Variants in MORC2 observed in about 807,000 individuals in gnomAD.
MORC2 encodes MORC family CW-type zinc finger 2.
MORC2 carries 30 observed loss-of-function variants against 136.0 expected under a neutral mutation model. The observed-to-expected ratio is 0.22, with a 90% CI of 0.17 to 0.30. The LOEUF is 0.30. Ranked by LOEUF, MORC2 falls within the 10% of genes least tolerant of loss-of-function variation. The pLI, the probability that MORC2 is intolerant of heterozygous loss-of-function variation, is 1.00. For missense variants in MORC2, 922 were observed against 1,333.1 expected, an observed-to-expected ratio of 0.69 and a Z score of 4.80; for synonymous variants, 439 against 487.0, an observed-to-expected ratio of 0.90 and a Z score of 1.30.
chr22:30,949,844 TGAA>T lies in MORC2; in HGVS notation c.227-5_227-3del. ...ACTGGATCACACTGGCAGCATCACCTGAAAGGGCAGACACAAGAGAAAGTGAAA... is the reference window on the plus strand; with the variant it reads ...ACTGGATCACACTGGCAGCATCACCTAGGGCAGACACAAGAGAAAGTGAAA... On this transcript the variant is annotated splice_polypyrimidine_tract_variant and splice_region_variant and intron_variant, in intron 4 of 25. Coordinates refer to ENST00000397641, the MANE Select transcript of MORC2 (RefSeq NM_001303256.3). The T allele has an allele frequency of 6.2e-7, 1 of 1,613,956 alleles. No individual in the cohort carries two copies. The highest frequency in any genetic ancestry group is 8.5e-7 in the Non-Finnish European group (1 of 1,179,846).
chr22:30,945,686 A>G (rs752910485), intron 6 of MORC2, among the ~76,000 whole-genome samples: 4 of 152,216 alleles, frequency 2.6e-5, no homozygotes, highest in Non-Finnish European at 4.4e-5. Context: ...TAGCTTACAT[A>G]GTCAATTACT....
At position 30,933,931 on chromosome 22, in the gene MORC2, G is replaced by C. The variant is rs1478651453; in HGVS notation, c.2325+129C>G. ...GTTGGTGCAGACTGCTGGTGGGGGG[G>C]GTAGACTGCTGGTGGGTTGTGTAGA... On this transcript the variant is annotated intron_variant, in intron 20 of 25. Transcript: ENST00000397641. 12 of 1,084,436 alleles carry C rather than the reference G, an allele frequency of 1.1e-5. No individual in the cohort carries two copies. The South Asian group carries it at 1.4e-4, about 12-fold the overall frequency. The allele number at this position is 1,084,436 out of a possible 1,614,324, so 67.2% of individuals were successfully genotyped here.
chr22:30,938,211 A>ATACGG lies in MORC2; in HGVS notation c.1074-7_1074-6insCCGTA. The ATACGG allele has an allele frequency of 6.2e-7, 1 of 1,609,404 alleles. No individual in the cohort carries two copies. The highest frequency in any genetic ancestry group is 8.5e-7 in the Non-Finnish European group (1 of 1,177,620). On this transcript the variant is annotated splice_polypyrimidine_tract_variant and splice_region_variant and intron_variant, in intron 12 of 25. Coordinates refer to ENST00000397641, the MANE Select transcript of MORC2 (RefSeq NM_001303256.3). ...CCTTAGGTTCTTTAAGTGCTCTAAG[A>ATACGG]AGACAAAAAAACTCAAGCAGATCTA...
At chr22:30,950,339 A>AAAGGCC in intron 4 of MORC2, 38 bp downstream of exon 4, 1 of 539,986 alleles carries the variant, frequency 1.9e-6, no homozygotes, top group South Asian at 1.7e-5. Flanking sequence ...GTTACATCGC[A>AAAGGCC]CCCCCCCACC....
At chr22:30,927,977 G>T (rs1448449856) in intron 25 of MORC2, 42 bp downstream of exon 25, 57 of 1,608,144 alleles carry the variant, frequency 3.5e-5, no homozygotes, top group Non-Finnish European at 4.7e-5. Context: ...CTCCCTGAGA[G>T]ACCAGGTGGT....
At chr22:30,929,658 G>C (rs540041526) in intron 24 of MORC2, among the ~76,000 whole-genome samples, 1 of 152,250 alleles carries the variant, frequency 6.6e-6, no homozygotes, top group Admixed American at 6.5e-5. Flanking sequence ...TGAGGCAGGA[G>C]GCTGAGGCAG....
At chr22:30,947,710 C>G (rs1487055055) in intron 5 of MORC2, among the ~76,000 whole-genome samples, 1 of 152,304 alleles carries the variant, frequency 6.6e-6, no homozygotes, top group South Asian at 2.1e-4. Context: ...ACCTCCTCCT[C>G]CTTCCCTAAA....
chr22:30,927,917 C>G (rs551093971), intron 25 of MORC2, 102 bp downstream of exon 25: 3 of 1,415,418 alleles, frequency 2.1e-6, no homozygotes, highest in South Asian at 2.6e-5. Context: ...ACCATAGATT[C>G]CTGTGAGTGG....
In MORC2 at chr22:30,934,905, G is replaced by A. The variant is rs752208368; in HGVS notation, c.2069C>T (p.Pro690Leu). 6 of 1,614,208 alleles carry A rather than the reference G, an allele frequency of 3.7e-6. No individual in the cohort carries two copies. Among genetic ancestry groups the A allele is most frequent in the Non-Finnish European group, 5.1e-6 (6 of 1,180,042 alleles). Reference sequence around the variant, plus strand: ...AGATGGTGACAGTTGCTGCACCAGAGGGGCAGGTCGGGATGCAGTCTTGAC... The same window carrying A: ...AGATGGTGACAGTTGCTGCACCAGAAGGGCAGGTCGGGATGCAGTCTTGAC... ...TLVKTASRPA[P>L]LVQQLSPSLL... Residue 690 changes from proline to leucine, a missense_variant, in exon 19 of 26, where the codon CCT becomes CTT. Around this residue, in one of 9 missense-constraint regions of MORC2, gnomAD observed 184 missense variants for 180.3 expected, o/e 1.02. Coordinates refer to ENST00000397641, the MANE Select transcript of MORC2 (RefSeq NM_001303256.3). The surrounding 1 kb of genome is among the most constrained non-coding windows in gnomAD (Gnocchi z 4.4).
In MORC2 at chr22:30,967,803, G is replaced by T; in HGVS notation, c.68+19C>A. The T allele has an allele frequency of 6.4e-7, 1 of 1,550,556 alleles. No homozygotes were observed. The highest frequency in any genetic ancestry group is 8.7e-7 in the Non-Finnish European group (1 of 1,146,630). On this transcript the variant is annotated intron_variant, in intron 1 of 25. Transcript: ENST00000397641. ...GAACGAGTTACTGGTTACCTCAGTG[G>T]CACCTAGAGGATACTTACGAATTTG...
intron 25 of MORC2, among the ~76,000 whole-genome samples, chr22:30,927,735 C>A (rs572343840): frequency 6.6e-6 from 1 of 152,230 alleles, no homozygotes; most frequent in African/African-American, 2.4e-5. Context: ...CCCATCTGGG[C>A]GTCATGTGGA....
intron 1 of MORC2, among the ~76,000 whole-genome samples, chr22:30,959,916 TATTG>T (rs2041018724): frequency 6.6e-6 from 1 of 152,242 alleles, no homozygotes. Flanking sequence ...TCTCCAGGAA[TATTG>T]TTTTTTCTTC....
At position 30,941,299 on chromosome 22, in the gene MORC2, G is replaced by T; in HGVS notation, c.824+134C>A. 7.6e-7 allele frequency: 1 copy of T among 1,311,326 alleles called. No individual in the cohort carries two copies. Among genetic ancestry groups the T allele is most frequent in the East Asian group, 2.5e-5 (1 of 39,716 alleles). The allele number at this position is 1,311,326 out of a possible 1,614,324, so 81.2% of individuals were successfully genotyped here. On this transcript the variant is annotated intron_variant, in intron 9 of 25. Coordinates refer to ENST00000397641, the MANE Select transcript of MORC2 (RefSeq NM_001303256.3). The surrounding 1 kb of genome is among the most constrained non-coding windows in gnomAD (Gnocchi z 4.6). ...AGAACTGACCCTGTGACCAATCACA[G>T]GCAACTTAAAGTCCCAAACGTAGTC...
At chr22:30,967,371 T>G in intron 1 of MORC2, 1 of 986,618 alleles carries the variant, frequency 1.0e-6, no homozygotes, top group Non-Finnish European at 1.2e-6. Flanking sequence ...ATAAAAATTT[T>G]CTTCTTGAAA....
intron 1 of MORC2, chr22:30,963,388 C>CTTTTTTT (rs34402075): frequency 1.5e-6 from 1 of 650,258 alleles, no homozygotes; most frequent in African/African-American, 2.1e-5. Flanking sequence ...CTGATTATGG[C>CTTTTTTT]TTTTTTTTTT....
At chr22:30,936,866 C>A (rs2040660521) in intron 16 of MORC2, 66 bp downstream of exon 16, 3 of 1,486,462 alleles carry the variant, frequency 2.0e-6, no homozygotes, top group East Asian at 2.3e-5. Context: ...GCACTGACCT[C>A]AAGAAACACA....
chr22:30,940,305 A>C (rs898952854), intron 10 of MORC2, among the ~76,000 whole-genome samples: 130 of 152,218 alleles, frequency 8.5e-4, no homozygotes, highest in Non-Finnish European at 1.6e-3. Flanking sequence ...AAAAAAAAAA[A>C]AAAACACCTA....
At chr22:30,933,053 G>A (rs373387546) in intron 21 of MORC2, 23 bp from the exon 22 acceptor site, 13 of 1,612,662 alleles carry the variant, frequency 8.1e-6, no homozygotes, top group Admixed American at 3.3e-5. Context: ...ACAGAGGTGC[G>A]AGTCAGAAAA....
chr22:30,962,956 T>C (rs918740443), intron 1 of MORC2, among the ~76,000 whole-genome samples: 2 of 152,176 alleles, frequency 1.3e-5, no homozygotes, highest in Non-Finnish European at 2.9e-5. Context: ...GCATTTGGGA[T>C]AGAGTAAACA....
Sources: gnomAD v4.1 joint callset for allele counts (sites outside exome capture counted in the v4.1 genomes callset) on GRCh38, gnomAD v4.1.1 for gene constraint, gnomAD v4.1.1 regional missense constraint, Gnocchi (gnomAD v3.1) non-coding constraint, MANE v1.5 for transcripts, NCBI Gene and HGNC (gene_info 2026-07-23, HGNC 2026-07-21) for gene names.